GRM7: variants seen among roughly 807,000 people sequenced by gnomAD.
GRM7 encodes metabotropic glutamate receptor 7.
A neutral mutation model predicts 84.5 loss-of-function variants in GRM7; 35 were observed. The ratio of observed to expected loss-of-function variants is 0.41; its 90% confidence interval spans 0.32 to 0.55. GRM7 has a LOEUF of 0.55. Among genes scored for constraint, GRM7 ranks in the 20% least tolerant of loss-of-function variants. The probability of loss-of-function intolerance (pLI) is 0.19; values close to 1 mark genes in which losing one functional copy is unlikely to be tolerated. For missense variants in GRM7, 1,003 were observed against 1,194.6 expected, an observed-to-expected ratio of 0.84 and a Z score of 2.36; for synonymous variants, 487 against 455.1, an observed-to-expected ratio of 1.07 and a Z score of -0.89.
At chr3:7,285,146 G>T (rs1699384569) in intron 2 of GRM7, among the ~76,000 whole-genome samples, 1 of 152,102 alleles carries the variant, frequency 6.6e-6, no homozygotes, top group African/African-American at 2.4e-5. Flanking sequence ...CTGTGAAAGA[G>T]CCCATAGACT....
chr3:6,969,761 G>A (rs1010441035), intron 1 of GRM7, among the ~76,000 whole-genome samples: 4 of 152,172 alleles, frequency 2.6e-5, no homozygotes, highest in Non-Finnish European at 5.9e-5. Flanking sequence ...CTAAGGCCCA[G>A]CCCTTTAAAG....
At chr3:7,544,666 T>A (rs1413717365) in intron 7 of GRM7, among the ~76,000 whole-genome samples, 1 of 152,244 alleles carries the variant, frequency 6.6e-6, no homozygotes, top group African/African-American at 2.4e-5. Context: ...CATTGGTTAC[T>A]GTACCTCTTT....
chr3:7,104,026 A>G (rs1574909673), intron 1 of GRM7, among the ~76,000 whole-genome samples: 2 of 151,644 alleles, frequency 1.3e-5, no homozygotes, highest in Middle Eastern at 3.4e-3. Flanking sequence ...CTAAACCCCA[A>G]TGTGAAGACA....
chr3:7,463,740 C>T (rs1400614006), intron 7 of GRM7, among the ~76,000 whole-genome samples: 1 of 151,786 alleles, frequency 6.6e-6, no homozygotes, highest in Non-Finnish European at 1.5e-5. Flanking sequence ...ATTTAATCAG[C>T]AAGGAAAATG....
intron 8 of GRM7, among the ~76,000 whole-genome samples, chr3:7,676,540 C>T (rs1391166892): frequency 2.0e-5 from 3 of 152,028 alleles, no homozygotes; most frequent in Non-Finnish European, 4.4e-5. Context: ...CTCTCTGCAA[C>T]CTGTGCCTCC....
At chr3:7,132,609 T>C (rs1213929016) in intron 1 of GRM7, among the ~76,000 whole-genome samples, 2 of 152,182 alleles carry the variant, frequency 1.3e-5, no homozygotes, top group African/African-American at 2.4e-5. Flanking sequence ...AAAGAAAGCA[T>C]AGCTTACCTC....
chr3:7,282,713 A>G (rs1699296996), intron 2 of GRM7, among the ~76,000 whole-genome samples: 1 of 152,200 alleles, frequency 6.6e-6, no homozygotes, highest in South Asian at 2.1e-4. Flanking sequence ...GACCTAATTA[A>G]GATTGTGTTT....
At chr3:7,245,258 A>C (rs1559524381) in intron 2 of GRM7, among the ~76,000 whole-genome samples, 1 of 152,058 alleles carries the variant, frequency 6.6e-6, no homozygotes, top group Non-Finnish European at 1.5e-5. Flanking sequence ...ATACTGACAA[A>C]ATGTTTTAAA....
chr3:7,242,177 A>T (rs1040954682), intron 2 of GRM7, among the ~76,000 whole-genome samples: 1 of 152,190 alleles, frequency 6.6e-6, no homozygotes, highest in African/African-American at 2.4e-5. Flanking sequence ...GTCAACTTAA[A>T]TAATGATCCT....
chr3:7,652,422 A>T (rs1285077139), intron 8 of GRM7, among the ~76,000 whole-genome samples: 1 of 152,190 alleles, frequency 6.6e-6, no homozygotes, highest in East Asian at 1.9e-4. Flanking sequence ...TTTGTTCAAT[A>T]AACAGACTCA....
chr3:6,985,029 C>T (rs1035004263), intron 1 of GRM7, among the ~76,000 whole-genome samples: 2 of 152,168 alleles, frequency 1.3e-5, no homozygotes, highest in African/African-American at 4.8e-5. Flanking sequence ...AAGGCTCACA[C>T]CTCCTGGTGT....
At chr3:7,197,380 G>A (rs1428319827) in intron 2 of GRM7, among the ~76,000 whole-genome samples, 1 of 152,110 alleles carries the variant, frequency 6.6e-6, no homozygotes, top group African/African-American at 2.4e-5. Context: ...ATTCTTTCAT[G>A]TTCAAAATAA....
chr3:7,137,612 G>A (rs1693812744), intron 1 of GRM7, among the ~76,000 whole-genome samples: 1 of 152,036 alleles, frequency 6.6e-6, no homozygotes, highest in African/African-American at 2.4e-5. Context: ...AAAAAACTTG[G>A]GGGAGAGAGA....
intron 1 of GRM7, among the ~76,000 whole-genome samples, chr3:7,137,520 A>G (rs1435080067): frequency 2.0e-5 from 3 of 152,120 alleles, no homozygotes; most frequent in Non-Finnish European, 4.4e-5. Flanking sequence ...ACTTGAAATG[A>G]GTTTTCTGTC....
Position 7,040,350 on chromosome 3 carries a change from T to TG in GRM7, c.520-106098dup, listed in dbSNP as rs1391404665. Among the ~76,000 whole-genome samples, 3 of 152,018 alleles carry TG rather than the reference T, an allele frequency of 2.0e-5. No individual in the cohort carries two copies. In the East Asian group the frequency reaches 5.8e-4, roughly 30 times the overall value. Reference sequence around the variant, plus strand: ...TGGAGTCTCGCTCTGTCGCCCAGGCTGGGGTGCAGTGGCACGATCTCCACT... The same window carrying TG: ...TGGAGTCTCGCTCTGTCGCCCAGGCTGGGGGTGCAGTGGCACGATCTCCACT... On this transcript the variant is annotated intron_variant, in intron 1 of 9. Coordinates refer to ENST00000357716, the MANE Select transcript of GRM7 (RefSeq NM_000844.4).
At chr3:6,924,511 T>C (rs1235299817) in intron 1 of GRM7, among the ~76,000 whole-genome samples, 1 of 152,120 alleles carries the variant, frequency 6.6e-6, no homozygotes, top group Non-Finnish European at 1.5e-5. Context: ...CATTGGTATA[T>C]TTTAAGACTC....
At chr3:7,461,471 A>G (rs1698243682) in intron 6 of GRM7, 112 bp from the exon 7 acceptor site, 2 of 822,818 alleles carry the variant, frequency 2.4e-6, no homozygotes, top group African/African-American at 3.4e-5. Context: ...TAAAGGGGAT[A>G]TCTAGTAACT....
intron 2 of GRM7, among the ~76,000 whole-genome samples, chr3:7,152,419 G>T (rs768878673): frequency 6.6e-6 from 1 of 152,182 alleles, no homozygotes; most frequent in African/African-American, 2.4e-5. Flanking sequence ...AGAGGATCAA[G>T]TAAAAGATGT....
intron 1 of GRM7, among the ~76,000 whole-genome samples, chr3:7,083,202 C>A (rs185509705): frequency 6.6e-6 from 1 of 152,196 alleles, no homozygotes; most frequent in East Asian, 1.9e-4. Flanking sequence ...AGCACTACCA[C>A]CCCAACCTTC....
Sources: gnomAD v4.1 joint callset for allele counts (sites outside exome capture counted in the v4.1 genomes callset) on GRCh38, gnomAD v4.1.1 for gene constraint, MANE v1.5 for transcripts, NCBI Gene and HGNC (gene_info 2026-07-23, HGNC 2026-07-21) for gene names.